The following CNNM1 variants were observed in gnomAD, a reference collection of about 807,000 sequenced individuals.
The protein encoded by CNNM1 is metal transporter CNNM1.
In CNNM1, 44 loss-of-function variants were observed where a neutral mutation model predicts 78.8. The observed-to-expected ratio is 0.56, with a 90% CI of 0.44 to 0.72. The LOEUF (loss-of-function observed/expected upper bound fraction) is 0.72, where lower values mean the gene tolerates loss of function less well. Ranked by LOEUF, CNNM1 falls within the 30% of genes least tolerant of loss-of-function variation. The pLI is 0.00. For missense variants in CNNM1, 1,101 were observed against 1,292.2 expected, an observed-to-expected ratio of 0.85 and a Z score of 2.27; for synonymous variants, 584 against 581.5, an observed-to-expected ratio of 1.00 and a Z score of -0.06.
intron 1 of CNNM1, among the ~76,000 whole-genome samples, chr10:99,333,789 C>T (rs2030039600): frequency 6.6e-6 from 1 of 152,198 alleles, no homozygotes; most frequent in African/African-American, 2.4e-5. Context: ...ATCCCCAGCA[C>T]CTTACACACT....
chr10:99,361,523 T>C (rs1332594708), intron 3 of CNNM1, among the ~76,000 whole-genome samples: 1 of 152,230 alleles, frequency 6.6e-6, no homozygotes, highest in Non-Finnish European at 1.5e-5. Context: ...CTAACTTCAA[T>C]ATTTAATTAA....
rs755899038 is a variant in CNNM1 at position 99,364,995 on chromosome 10, T to C, written c.2169T>C (p.Ser723=). The part of the protein sequence containing the change: ...VRKVGSLAGS[S]VFLNRSPSRC... ...AGGTTGGAAGTCTGGCTGGATCTTC[T>C]GTCTTTCGTATGTATCTCTCAAACC... is the stretch of plus-strand genomic sequence containing the variant. Residue 723 remains serine (S), a synonymous_variant, in exon 6 of 11, where the codon TCT becomes TCC. Coordinates refer to ENST00000356713, the MANE Select transcript of CNNM1 (RefSeq NM_020348.3). 1 of 1,613,968 alleles carries C rather than the reference T, an allele frequency of 6.2e-7. No individual in the cohort carries two copies. The highest frequency in any genetic ancestry group is 1.1e-5 in the South Asian group (1 of 91,064).
chr10:99,366,488 A>AG (rs1018747936), intron 6 of CNNM1, among the ~76,000 whole-genome samples: 4 of 152,030 alleles, frequency 2.6e-5, no homozygotes, highest in African/African-American at 9.7e-5. Flanking sequence ...AAAAAAAAAA[A>AG]AAGAAATTGC....
chr10:99,367,279 C>T (rs769419501), intron 6 of CNNM1, among the ~76,000 whole-genome samples: 5 of 152,158 alleles, frequency 3.3e-5, no homozygotes, highest in African/African-American at 4.8e-5. Context: ...TTGAAGCTAG[C>T]TTAATCAGCC....
intron 6 of CNNM1, chr10:99,368,675 C>T: frequency 7.8e-7 from 1 of 1,289,666 alleles, no homozygotes; most frequent in Non-Finnish European, 1.0e-6. Context: ...CTGGCAGGCT[C>T]CCCAGGTAAA....
chr10:99,373,908 A>G (rs1001847361), intron 6 of CNNM1, among the ~76,000 whole-genome samples: 4 of 152,106 alleles, frequency 2.6e-5, no homozygotes, highest in Non-Finnish European at 5.9e-5. Context: ...ATAATATTTC[A>G]TTGTGTATAC....
chr10:99,363,097 T>C (rs2031494909), intron 4 of CNNM1, among the ~76,000 whole-genome samples: 1 of 152,230 alleles, frequency 6.6e-6, no homozygotes, highest in African/African-American at 2.4e-5. Flanking sequence ...GGCTTCACCA[T>C]TAGCTCTGTC....
intron 3 of CNNM1, among the ~76,000 whole-genome samples, chr10:99,361,826 A>C (rs1457888913): frequency 6.6e-6 from 1 of 152,160 alleles, no homozygotes; most frequent in Non-Finnish European, 1.5e-5. Flanking sequence ...CATTCAGCAG[A>C]TATATGTCAT....
At chr10:99,344,415 T>C (rs1254053969) in intron 1 of CNNM1, among the ~76,000 whole-genome samples, 3 of 152,242 alleles carry the variant, frequency 2.0e-5, no homozygotes, top group South Asian at 2.1e-4. Flanking sequence ...AATTCCAGTA[T>C]AGCCCTAAAG....
intron 1 of CNNM1, among the ~76,000 whole-genome samples, chr10:99,355,179 A>G (rs2134038496): frequency 6.6e-6 from 1 of 150,644 alleles, no homozygotes; most frequent in South Asian, 2.1e-4. Context: ...GAGTTTATAA[A>G]GGGTAAAACA....
chr10:99,329,627 G>A lies in CNNM1; in HGVS notation c.240G>A (p.Pro80=), dbSNP rs997732778. The A allele has an allele frequency of 2.7e-6, 4 of 1,504,914 alleles. No individual in the cohort carries two copies. Among genetic ancestry groups the A allele is most frequent in the African/African-American group, 1.4e-5 (1 of 69,208 alleles). 93.2% of individuals were successfully genotyped at this position (1,504,914 alleles called of 1,614,324 possible). A position where few individuals can be genotyped will look rare whatever the true frequency, so the allele number is the denominator to read the frequency against. The change falls in exon 1 of 11, where the codon CCG becomes CCA. Residue 80 remains proline (P), a synonymous_variant. Coordinates refer to ENST00000356713, the MANE Select transcript of CNNM1 (RefSeq NM_020348.3). ...FLLRVYFQPG[P]PATAAPVPSP... is the part of the protein sequence containing the mutation. ...TGCGTGTCTATTTCCAGCCAGGACC[G>A]CCGGCCACCGCCGCACCGGTGCCCT...
intron 1 of CNNM1, among the ~76,000 whole-genome samples, chr10:99,344,222 C>T (rs1337545122): frequency 6.6e-6 from 1 of 151,596 alleles, no homozygotes; most frequent in African/African-American, 2.4e-5. Context: ...ATCCCAACTG[C>T]TCAGGAGGCT....
chr10:99,366,807 G>A (rs926306291), intron 6 of CNNM1, among the ~76,000 whole-genome samples: 2 of 152,120 alleles, frequency 1.3e-5, no homozygotes, highest in African/African-American at 4.8e-5. Context: ...TAAGTAGAAG[G>A]AAGATGTTAT....
At chr10:99,373,121 G>T (rs1018166640) in intron 6 of CNNM1, among the ~76,000 whole-genome samples, 1 of 152,216 alleles carries the variant, frequency 6.6e-6, no homozygotes, top group South Asian at 2.1e-4. Context: ...TTCAACAGGA[G>T]AAGCTTCCAC....
rs754689003 is a variant in CNNM1, at chr10:99,329,549, C to T, written c.162C>T (p.Arg54=). The change falls in exon 1 of 11, where the codon CGC becomes CGT. Residue 54 remains arginine (R), a synonymous_variant. Transcript: ENST00000356713. ...GLRPEDTAGG[R]VSLEGGTLRA... ...GGCCCGAGGACACTGCTGGAGGCCG[C>T]GTGTCCCTGGAGGGGGGCACCCTGC... 6.5e-6 allele frequency: 10 copies of T among 1,527,128 alleles called. No homozygotes were observed. The East Asian group carries it at 1.8e-4, about 28-fold the overall frequency. 94.6% of individuals were successfully genotyped at this position (1,527,128 alleles called of 1,614,324 possible). A position where few individuals can be genotyped will look rare whatever the true frequency, so the allele number is the denominator to read the frequency against.
At chr10:99,385,052 C>CA (rs780597974) in intron 7 of CNNM1, among the ~76,000 whole-genome samples, 15,537 of 111,124 alleles carry the variant, frequency 0.14, 1,265 homozygotes, top group African/African-American at 0.29. Context: ...GACTCCATCT[C>CA]AAAAAAAAAA....
At chr10:99,372,222 C>G (rs1272169603) in intron 6 of CNNM1, among the ~76,000 whole-genome samples, 1 of 152,158 alleles carries the variant, frequency 6.6e-6, no homozygotes, top group Non-Finnish European at 1.5e-5. Context: ...TGCCACCCTG[C>G]CCCCAATTTT....
At chr10:99,372,697 A>C (rs1016886725) in intron 6 of CNNM1, among the ~76,000 whole-genome samples, 2 of 152,140 alleles carry the variant, frequency 1.3e-5, no homozygotes, top group Non-Finnish European at 2.9e-5. Flanking sequence ...TCCCTTGCTC[A>C]GAAACCTCTG....
chr10:99,336,249 C>A (rs2030182022), intron 1 of CNNM1, among the ~76,000 whole-genome samples: 1 of 152,188 alleles, frequency 6.6e-6, no homozygotes, highest in African/African-American at 2.4e-5. Flanking sequence ...AACACATTAC[C>A]TTTACTATGT....
Sources: allele counts gnomAD v4.1 joint callset (sites outside exome capture counted in the v4.1 genomes callset), GRCh38; gene constraint gnomAD v4.1.1; transcripts MANE v1.5; gene names NCBI Gene and HGNC (gene_info 2026-07-23, HGNC 2026-07-21).